Variants in COL22A1 observed in about 807,000 individuals in gnomAD.
The protein encoded by COL22A1 is collagen type XXII alpha 1 chain.
A neutral mutation model predicts 248.9 loss-of-function variants in COL22A1; 221 were observed. That is an observed-to-expected ratio of 0.89 (90% CI 0.80 to 0.99). The LOEUF is 0.99. COL22A1 is among the 50% of genes least tolerant of loss of function. The probability of loss-of-function intolerance (pLI) is 0.00; values close to 1 mark genes in which losing one functional copy is unlikely to be tolerated. For synonymous variants in COL22A1, 891 were observed against 793.4 expected (o/e 1.12, Z -2.07); for missense variants, 2,240 against 2,179.0 (o/e 1.03, Z -0.56).
intron 12 of COL22A1, among the ~76,000 whole-genome samples, chr8:138,783,177 A>G (rs1241059731): frequency 6.6e-6 from 1 of 152,170 alleles, no homozygotes; most frequent in Non-Finnish European, 1.5e-5. Context: ...ACCCTCGCTT[A>G]GAGGAGGGTG....
intron 9 of COL22A1, among the ~76,000 whole-genome samples, chr8:138,808,541 A>G (rs1826655885): frequency 1.3e-5 from 2 of 152,226 alleles, no homozygotes; most frequent in Non-Finnish European, 2.9e-5. Context: ...CTTTGTTTCA[A>G]TTTAACAATG....
In COL22A1 at chr8:138,694,450, G is replaced by A. The variant is rs1827333333; in HGVS notation, c.2700+58C>T. 4 of 1,535,194 alleles carry A rather than the reference G, an allele frequency of 2.6e-6. No homozygotes were observed. In the South Asian group the frequency reaches 3.4e-5, roughly 13 times the overall value. ...CTGGGGAGGGTGGCCTGGAGCGAGA[G>A]AGTGTGGCTGGGATCTCCAAGTCTC... On this transcript the variant is annotated intron_variant, in intron 34 of 64. Transcript: ENST00000303045.
At chr8:138,643,795 G>A (rs753157131) in intron 47 of COL22A1, among the ~76,000 whole-genome samples, 2 of 152,142 alleles carry the variant, frequency 1.3e-5, no homozygotes, top group Non-Finnish European at 2.9e-5. Flanking sequence ...TGTCTCCCGG[G>A]TTCAAGCGAT....
At chr8:138,591,323 T>C (rs1269447714) in intron 64 of COL22A1, 101 bp downstream of exon 64, 5 of 660,932 alleles carry the variant, frequency 7.6e-6, no homozygotes, top group African/African-American at 1.9e-5. Context: ...GCCTAAGCCC[T>C]CCTCTCCGCT....
intron 25 of COL22A1, 93 bp downstream of exon 25, chr8:138,724,522 A>G (rs1160222841): frequency 8.0e-7 from 1 of 1,250,258 alleles, no homozygotes; most frequent in Non-Finnish European, 1.2e-6. Context: ...GCTCTAGGAA[A>G]GTGGCTCTGG....
At position 138,724,722 on chromosome 8, in the gene COL22A1, A is replaced by C. The variant is rs1022233799; in HGVS notation, c.2194-54T>G. On this transcript the variant is annotated intron_variant, in intron 24 of 64. Transcript: ENST00000303045. ...GCCTGGCCTGTTCAGAGATCAGATCATTGACTCAACCTCTTTCCTGGCATG... is the reference window on the plus strand; with the variant it reads ...GCCTGGCCTGTTCAGAGATCAGATCCTTGACTCAACCTCTTTCCTGGCATG... 1.9e-6 allele frequency: 3 copies of C among 1,555,628 alleles called. No homozygotes were observed. In the African/African-American group the frequency reaches 4.1e-5, roughly 21 times the overall value.
chr8:138,891,660 A>G (rs1299888966), intron 1 of COL22A1, among the ~76,000 whole-genome samples: 3 of 152,176 alleles, frequency 2.0e-5, no homozygotes, highest in East Asian at 3.9e-4. Flanking sequence ...TTCAATCCCA[A>G]ACAATCTAAC....
chr8:138,871,672 A>G (rs1000294675), intron 3 of COL22A1, among the ~76,000 whole-genome samples: 1 of 152,250 alleles, frequency 6.6e-6, no homozygotes, highest in Non-Finnish European at 1.5e-5. Context: ...AGATAATAGA[A>G]GCTCAATGAA....
At chr8:138,875,146 C>T (rs1050331359) in intron 3 of COL22A1, among the ~76,000 whole-genome samples, 2 of 152,122 alleles carry the variant, frequency 1.3e-5, no homozygotes, top group African/African-American at 4.8e-5. Context: ...CAGGTTTCAT[C>T]GTTTGAAGCT....
At chr8:138,905,619 G>A (rs1279327610) in intron 1 of COL22A1, among the ~76,000 whole-genome samples, 1 of 152,166 alleles carries the variant, frequency 6.6e-6, no homozygotes, top group African/African-American at 2.4e-5. Context: ...TTCTGAGAGT[G>A]AGGCCCCTCC....
At chr8:138,619,240 C>T (rs1382403858) in intron 53 of COL22A1, among the ~76,000 whole-genome samples, 1 of 152,184 alleles carries the variant, frequency 6.6e-6, no homozygotes, top group African/African-American at 2.4e-5. Context: ...AAACTTTGAG[C>T]AACAACAAGG....
intron 36 of COL22A1, among the ~76,000 whole-genome samples, chr8:138,689,925 G>A (rs1316308086): frequency 6.6e-6 from 1 of 152,150 alleles, no homozygotes; most frequent in African/African-American, 2.4e-5. Flanking sequence ...ACTCTTTAGA[G>A]GCCAGAGAAG....
At chr8:138,840,001 C>T (rs1158485510) in intron 4 of COL22A1, among the ~76,000 whole-genome samples, 1 of 152,104 alleles carries the variant, frequency 6.6e-6, no homozygotes. Context: ...CCATCTAAGA[C>T]CTATGCCTCC....
chr8:138,613,092 T>C (rs1587673886), intron 56 of COL22A1, among the ~76,000 whole-genome samples: 1 of 146,116 alleles, frequency 6.8e-6, no homozygotes, highest in African/African-American at 2.6e-5. Flanking sequence ...ACTAAAAATA[T>C]AAAAATTTAG....
chr8:138,658,898 CCT>C (rs1564155120), intron 44 of COL22A1, among the ~76,000 whole-genome samples: 1 of 130,838 alleles, frequency 7.6e-6, no homozygotes, highest in South Asian at 2.5e-4. Context: ...TCTCTCTCTC[CCT>C]CTCTCTCTCT....
intron 1 of COL22A1, among the ~76,000 whole-genome samples, chr8:138,888,882 T>C (rs547622257): frequency 5.2e-4 from 79 of 152,296 alleles, no homozygotes; most frequent in African/African-American, 1.9e-3. Flanking sequence ...AGTGGTCACC[T>C]AAATAAGCAT....
rs867155646 is a variant in COL22A1, at chr8:138,821,122, C to A, written c.1245+14G>T. Reference sequence around the variant, plus strand: ...GCCTGGAACCTGGGCTGCAGAAGGCCCCCTGGTACTCACGTCAATGGGCAC... The same window carrying A: ...GCCTGGAACCTGGGCTGCAGAAGGCACCCTGGTACTCACGTCAATGGGCAC... On this transcript the variant is annotated intron_variant, in intron 7 of 64. Coordinates refer to ENST00000303045, the MANE Select transcript of COL22A1 (RefSeq NM_152888.3). 6.2e-7 allele frequency: 1 copy of A among 1,607,630 alleles called. No homozygotes were observed. Among genetic ancestry groups the A allele is most frequent in the Admixed American group, 1.7e-5 (1 of 59,918 alleles).
chr8:138,764,081 T>C (rs1475453095), intron 16 of COL22A1, among the ~76,000 whole-genome samples: 1 of 152,234 alleles, frequency 6.6e-6, no homozygotes, highest in Non-Finnish European at 1.5e-5. Flanking sequence ...TTGCTGCTTT[T>C]TCCGTTTGAG....
At chr8:138,811,977 T>C in intron 8 of COL22A1, 56 bp from the exon 9 acceptor site, 1 of 1,489,690 alleles carries the variant, frequency 6.7e-7, no homozygotes, top group African/African-American at 1.4e-5. Flanking sequence ...AGGCACTCCC[T>C]GGCAGAAGCA....
Sources: gnomAD v4.1 joint callset for allele counts (sites outside exome capture counted in the v4.1 genomes callset) on GRCh38, gnomAD v4.1.1 for gene constraint, MANE v1.5 for transcripts, NCBI Gene and HGNC (gene_info 2026-07-23, HGNC 2026-07-21) for gene names.